The following SVOP variants were observed in gnomAD, a reference collection of about 807,000 sequenced individuals.
SVOP encodes the protein SV2 related protein.
In SVOP, 17 loss-of-function variants were observed where a neutral mutation model predicts 69.1. The observed-to-expected ratio is 0.25, with a 90% CI of 0.17 to 0.37. SVOP has a LOEUF of 0.37. Among genes scored for constraint, SVOP ranks in the 10% least tolerant of loss-of-function variants. SVOP has a pLI of 1.00. For missense variants in SVOP, 435 were observed against 597.5 expected, an observed-to-expected ratio of 0.73 and a Z score of 2.84; for synonymous variants, 238 against 238.6, an observed-to-expected ratio of 1.00 and a Z score of 0.02.
intron 10 of SVOP, among the ~76,000 whole-genome samples, chr12:108,936,023 TACACACACACAC>T (rs144380662): frequency 2.1e-5 from 3 of 144,542 alleles, no homozygotes; most frequent in Non-Finnish European, 3.0e-5. Flanking sequence ...ATAGTATAAA[TACACACACACAC>T]ACACACACAC....
At chr12:109,003,249 A>AT (rs894150845) in intron 1 of SVOP, among the ~76,000 whole-genome samples, 5 of 151,778 alleles carry the variant, frequency 3.3e-5, no homozygotes, top group African/African-American at 4.8e-5. Context: ...GGGAAGACAC[A>AT]TTTTTTTTGC....
Position 108,910,132 on chromosome 12 carries a change from T to TATA in SVOP, c.*2402_*2403insTAT. On this transcript the variant is annotated 3_prime_UTR_variant, in exon 16 of 16. Coordinates refer to ENST00000610966, the MANE Select transcript of SVOP (RefSeq NM_018711.5). ...CCGCCACCACACCTGGCTAATTTTT[T>TATA]TTTGTATTTTTAGTAGAGACGGGGT... 6.6e-6 allele frequency: 1 copy of TATA among 152,124 alleles called. No individual in the cohort carries two copies. Among genetic ancestry groups the TATA allele is most frequent in the African/African-American group, 2.4e-5 (1 of 41,404 alleles). 9.4% of individuals were successfully genotyped at this position (152,124 alleles called of 1,614,324 possible).
intron 6 of SVOP, among the ~76,000 whole-genome samples, chr12:108,956,699 T>C (rs1051342124): frequency 4.6e-5 from 7 of 152,132 alleles, no homozygotes; most frequent in Admixed American, 3.3e-4. Context: ...GCTCACACAA[T>C]GTCTGACCCA....
Position 108,940,879 on chromosome 12 carries a change from C to T in SVOP, c.673G>A (p.Val225Ile). 2 of 1,537,024 alleles carry T rather than the reference C, an allele frequency of 1.3e-6. No homozygotes were observed. The highest frequency in any genetic ancestry group is 1.7e-6 in the Non-Finnish European group (2 of 1,146,778). Residue 225 changes from valine (V) to isoleucine (I), a missense_variant, in exon 8 of 16, where the codon GTC becomes ATC. Physicochemically the swap from Val to Ile is conservative, Grantham distance 29. Coordinates refer to ENST00000610966, the MANE Select transcript of SVOP (RefSeq NM_018711.5). ...VFWAIGTVFE[V>I]VLAVFVMPSL... ...GGCATCACGAACACAGCCAGGACGA[C>T]CTCGAACACTGTCCCGATGGCCCAG...
At chr12:108,955,719 A>G (rs549831413) in intron 6 of SVOP, among the ~76,000 whole-genome samples, 2 of 152,304 alleles carry the variant, frequency 1.3e-5, no homozygotes, top group South Asian at 4.1e-4. Flanking sequence ...CATACATCAC[A>G]ATGACGCTTG....
At chr12:108,929,300 TTTAG>T (rs200245336) in intron 11 of SVOP, among the ~76,000 whole-genome samples, 182 of 152,326 alleles carry the variant, frequency 1.2e-3, no homozygotes, top group South Asian at 7.9e-3. Flanking sequence ...TATTTATTTA[TTTAG>T]TTAGTTAGTT....
At chr12:108,966,759 C>G (rs906907407) in intron 5 of SVOP, among the ~76,000 whole-genome samples, 7 of 152,086 alleles carry the variant, frequency 4.6e-5, no homozygotes, top group African/African-American at 1.7e-4. Context: ...TATGGGCAGC[C>G]TTCCTGGGCT....
At chr12:108,976,446 G>A (rs966530075) in intron 4 of SVOP, among the ~76,000 whole-genome samples, 1 of 152,114 alleles carries the variant, frequency 6.6e-6, no homozygotes, top group Non-Finnish European at 1.5e-5. Flanking sequence ...TAATCATAGC[G>A]CCTAGCTCAT....
chr12:108,939,133 T>TA (rs1197930762), intron 8 of SVOP, among the ~76,000 whole-genome samples, 178 bp from the exon 9 acceptor site: 1 of 152,180 alleles, frequency 6.6e-6, no homozygotes, highest in Admixed American at 6.5e-5. Flanking sequence ...CCTGTACAAT[T>TA]ACTTGACTTC....
intron 6 of SVOP, among the ~76,000 whole-genome samples, chr12:108,955,569 G>A (rs1205527977): frequency 1.3e-5 from 2 of 152,226 alleles, no homozygotes; most frequent in African/African-American, 4.8e-5. Flanking sequence ...GGAGAGCTGA[G>A]AGCCACTCAC....
rs115758642 is a variant in SVOP, at chr12:108,995,121, G to A, written c.36-11360C>T. Among the ~76,000 whole-genome samples, 234 of 151,538 alleles carry A rather than the reference G, an allele frequency of 1.5e-3. 2 individuals are homozygous for A. The highest frequency in any genetic ancestry group is 5.4e-3 in the African/African-American group (223 of 41,314). On this transcript the variant is annotated intron_variant, in intron 1 of 15. Coordinates refer to ENST00000610966, the MANE Select transcript of SVOP (RefSeq NM_018711.5). Reference sequence around the variant, plus strand: ...AATCACACCACAGCATTCCAGCCTGGGCAACAGAGCTAGAACCTGTCTCAA... The same window carrying A: ...AATCACACCACAGCATTCCAGCCTGAGCAACAGAGCTAGAACCTGTCTCAA...
intron 14 of SVOP, among the ~76,000 whole-genome samples, chr12:108,917,632 A>ACGTC (rs2039721900): frequency 6.6e-6 from 1 of 150,954 alleles, no homozygotes; most frequent in African/African-American, 2.4e-5. Context: ...CAATACATAG[A>ACGTC]CATCCACCTC....
chr12:108,969,578 C>T lies in SVOP; in HGVS notation c.453+2827G>A, dbSNP rs573323722. ...CTGACCTCAGGTCATCCTCCCACCT[C>T]GGCCTCCCAAAGTGCTGGGATTACA... is the stretch of plus-strand genomic sequence containing the variant. On this transcript the variant is annotated intron_variant, in intron 5 of 15. Coordinates refer to ENST00000610966, the MANE Select transcript of SVOP (RefSeq NM_018711.5). Among the ~76,000 whole-genome samples the T allele has an allele frequency of 2.0e-5, 3 of 151,230 alleles. No homozygotes were observed. The South Asian group carries it at 6.3e-4, about 32-fold the overall frequency.
chr12:109,014,209 T>C (rs2040357006), intron 1 of SVOP, among the ~76,000 whole-genome samples: 1 of 152,072 alleles, frequency 6.6e-6, no homozygotes, highest in Non-Finnish European at 1.5e-5. Flanking sequence ...AGAGACTGGG[T>C]TTCACCATGT....
chr12:108,943,376 T>G (rs2039903693), intron 7 of SVOP, among the ~76,000 whole-genome samples: 1 of 151,710 alleles, frequency 6.6e-6, no homozygotes, highest in South Asian at 2.1e-4. Flanking sequence ...GGTGGGTGGC[T>G]CATGAGGTCA....
At chr12:108,977,084 G>A (rs1226528891) in intron 4 of SVOP, among the ~76,000 whole-genome samples, 2 of 152,230 alleles carry the variant, frequency 1.3e-5, no homozygotes, top group East Asian at 3.8e-4. Flanking sequence ...TCCTAGGGAT[G>A]TGGGGATTGG....
At chr12:108,983,510 G>A in intron 2 of SVOP, 91 bp downstream of exon 2, 1 of 398,458 alleles carries the variant, frequency 2.5e-6, no homozygotes, top group Non-Finnish European at 4.4e-6. Flanking sequence ...CCTCCCAACT[G>A]CCCCTTCACA....
At chr12:108,968,101 G>A (rs2040055701) in intron 5 of SVOP, among the ~76,000 whole-genome samples, 1 of 152,206 alleles carries the variant, frequency 6.6e-6, no homozygotes, top group South Asian at 2.1e-4. Context: ...GGCAGTTGCT[G>A]CTCTGGAGAG....
At chr12:108,993,378 C>CA (rs371842542) in intron 1 of SVOP, among the ~76,000 whole-genome samples, 129,401 of 140,004 alleles carry the variant, frequency 0.92, 60,219 homozygotes, top group East Asian at 0.99. Context: ...ATTTTGCCTT[C>CA]AAAAAAAAAA....
Sources: gnomAD v4.1 joint callset for allele counts (sites outside exome capture counted in the v4.1 genomes callset) on GRCh38, gnomAD v4.1.1 for gene constraint, MANE v1.5 for transcripts, NCBI Gene and HGNC (gene_info 2026-07-23, HGNC 2026-07-21) for gene names.